CDKL1: variants seen among roughly 807,000 people sequenced by gnomAD.
CDKL1 encodes the protein cyclin dependent kinase like 1.
In CDKL1, 41 loss-of-function variants were observed where a neutral mutation model predicts 42.0. The observed-to-expected ratio is 0.98, with a 90% CI of 0.76 to 1.27. CDKL1 has a LOEUF of 1.27. CDKL1 is among the 50% of genes most tolerant of loss of function. The pLI is 0.00. For missense variants in CDKL1, 394 were observed against 428.4 expected, an observed-to-expected ratio of 0.92 and a Z score of 0.71; for synonymous variants, 153 against 158.6, an observed-to-expected ratio of 0.96 and a Z score of 0.26.
chr14:50,346,656 T>TTG (rs1555340143), intron 3 of CDKL1, among the ~76,000 whole-genome samples: 4 of 128,506 alleles, frequency 3.1e-5, no homozygotes, highest in South Asian at 2.3e-4. Flanking sequence ...TTTTTGGTTT[T>TTG]TTTTTTTTTT....
intron 2 of CDKL1, among the ~76,000 whole-genome samples, chr14:50,374,095 A>C (rs1046111865): frequency 1.8e-4 from 27 of 152,234 alleles, no homozygotes; most frequent in African/African-American, 6.5e-4. Flanking sequence ...ATCCACCGAT[A>C]AAATAAGCTA....
At chr14:50,364,243 G>A (rs965118787) in intron 2 of CDKL1, among the ~76,000 whole-genome samples, 1 of 152,220 alleles carries the variant, frequency 6.6e-6, no homozygotes, top group African/African-American at 2.4e-5. Context: ...GCCAAGGCAG[G>A]CGGATGCCTG....
At position 50,377,474 on chromosome 14, in the gene CDKL1, T is replaced by C. The variant is rs192057275; in HGVS notation, c.168+18227A>G. 4.2e-5 allele frequency: 32 copies of C among 755,544 alleles called. 1 individual carries two copies. The East Asian group carries it at 1.3e-3, about 31-fold the overall frequency. 46.8% of individuals were successfully genotyped at this position (755,544 alleles called of 1,614,324 possible). A position where few individuals can be genotyped will look rare whatever the true frequency, so the allele number is the denominator to read the frequency against. On this transcript the variant is annotated intron_variant, in intron 2 of 9. Coordinates refer to ENST00000395834, the MANE Select transcript of CDKL1 (RefSeq NM_004196.7). ...TCTGGTATCACTTCCCAAAATAAAC[T>C]CCTAACACACAGTTCCTGTCTCAGA...
At position 50,365,843 on chromosome 14, in the gene CDKL1, T is replaced by G. The variant is rs970279004; in HGVS notation, c.169-6694A>C. ...ATGCAGGCACTTGATTTGCTGAGTCTTCCGGCCTTCATCTTTCTCCCGTGC... is the reference window on the plus strand; with the variant it reads ...ATGCAGGCACTTGATTTGCTGAGTCGTCCGGCCTTCATCTTTCTCCCGTGC... On this transcript the variant is annotated intron_variant, in intron 2 of 9. Transcript: ENST00000395834. 2.6e-5 allele frequency among the ~76,000 whole-genome samples: 4 copies of G among 152,352 alleles called. No individual in the cohort carries two copies. The South Asian group carries it at 6.2e-4, about 24-fold the overall frequency.
At chr14:50,376,831 T>A (rs916797994) in intron 2 of CDKL1, among the ~76,000 whole-genome samples, 4 of 152,178 alleles carry the variant, frequency 2.6e-5, no homozygotes, top group African/African-American at 9.7e-5. Flanking sequence ...CTCGTGAGCT[T>A]ATATTCAAGC....
chr14:50,394,383 G>A (rs1012472565), intron 2 of CDKL1, among the ~76,000 whole-genome samples: 1 of 152,214 alleles, frequency 6.6e-6, no homozygotes, highest in African/African-American at 2.4e-5. Context: ...ATAATATCCT[G>A]TTGGTTAAGA....
chr14:50,345,705 T>C, intron 3 of CDKL1, among the ~76,000 whole-genome samples: 1 of 152,188 alleles, frequency 6.6e-6, no homozygotes, highest in Non-Finnish European at 1.5e-5. Context: ...TAAATGTTAA[T>C]AATAATTTAA....
At chr14:50,375,157 G>T (rs2034694860) in intron 2 of CDKL1, among the ~76,000 whole-genome samples, 1 of 152,048 alleles carries the variant, frequency 6.6e-6, no homozygotes, top group South Asian at 2.1e-4. Context: ...TATATAAGAT[G>T]AACATGGAGC....
chr14:50,335,146 A>G (rs1044991084), intron 7 of CDKL1, among the ~76,000 whole-genome samples: 5 of 151,632 alleles, frequency 3.3e-5, no homozygotes, highest in Non-Finnish European at 7.4e-5. Context: ...ATACCAAAAA[A>G]CTAGCTGGGG....
At chr14:50,360,443 T>C (rs2034202580) in intron 2 of CDKL1, among the ~76,000 whole-genome samples, 1 of 152,190 alleles carries the variant, frequency 6.6e-6, no homozygotes, top group African/African-American at 2.4e-5. Context: ...AGTCTCACTC[T>C]ATTGCCCAGG....
chr14:50,374,224 A>G (rs2034665424), intron 2 of CDKL1, among the ~76,000 whole-genome samples: 1 of 152,234 alleles, frequency 6.6e-6, no homozygotes, highest in African/African-American at 2.4e-5. Context: ...AGGTAAAGCT[A>G]CAGAGACAGT....
At position 50,352,695 on chromosome 14, in the gene CDKL1, TGGTGCTTC is replaced by T. The variant is rs574648866; in HGVS notation, c.290+6325_290+6332del. 1.8e-4 allele frequency among the ~76,000 whole-genome samples: 27 copies of T among 152,312 alleles called. No individual in the cohort carries two copies. The South Asian group carries it at 5.2e-3, about 29-fold the overall frequency. On this transcript the variant is annotated intron_variant, in intron 3 of 9. Coordinates refer to ENST00000395834, the MANE Select transcript of CDKL1 (RefSeq NM_004196.7). ...ATCTCATCACAGAACACAGAGAATG[TGGTGCTTC>T]GTTTGGAAAAGCTTGGCTGCCTTTG...
In CDKL1 at chr14:50,329,062, T is replaced by TAC. The variant is rs1555337390; in HGVS notation, c.*1010_*1011dup. Reference sequence around the variant, plus strand: ...ATATATATATATATATATATATATATACATACACATACATACACATACAAA... The same window carrying TAC: ...ATATATATATATATATATATATATATACACATACACATACATACACATACAAA... On this transcript the variant is annotated 3_prime_UTR_variant, in exon 10 of 10. Transcript: ENST00000395834. 4.0e-4 allele frequency: 57 copies of TAC among 144,024 alleles called. No individual in the cohort carries two copies. Among genetic ancestry groups the TAC allele is most frequent in the African/African-American group, 9.2e-4 (35 of 38,190 alleles). 8.9% of individuals were successfully genotyped at this position (144,024 alleles called of 1,614,324 possible).
chr14:50,339,903 T>C (rs938517908), intron 6 of CDKL1, among the ~76,000 whole-genome samples: 2 of 152,148 alleles, frequency 1.3e-5, no homozygotes. Flanking sequence ...CTGTGGGAGT[T>C]CCTACTCCAG....
At chr14:50,362,696 T>C (rs1009147919) in intron 2 of CDKL1, among the ~76,000 whole-genome samples, 2 of 152,134 alleles carry the variant, frequency 1.3e-5, no homozygotes, top group Non-Finnish European at 1.5e-5. Flanking sequence ...GCTAATCTAG[T>C]GGGGACGTGG....
At chr14:50,346,696 G>C (rs1023344009) in intron 3 of CDKL1, among the ~76,000 whole-genome samples, 1 of 142,808 alleles carries the variant, frequency 7.0e-6, no homozygotes, top group Non-Finnish European at 1.5e-5. Flanking sequence ...TGTCACCCAG[G>C]CTAAAGTGCA....
intron 7 of CDKL1, among the ~76,000 whole-genome samples, chr14:50,337,374 C>T (rs1316926498): frequency 6.7e-6 from 1 of 148,554 alleles, no homozygotes; most frequent in East Asian, 2.0e-4. Context: ...TTTTTAGAGA[C>T]AGAGTTTTGC....
chr14:50,341,036 G>C lies in CDKL1; in HGVS notation c.651C>G (p.Thr217=). Residue 217 remains threonine (T), a synonymous_variant, in exon 6 of 10, where the codon ACC becomes ACG. Transcript: ENST00000395834. The stretch of plus-strand genomic sequence containing the variant: ...TGGGACAAAAACACCACTTACCCAA[G>C]GTCTTCCTAATCAGATACAGCTGAT... ...DVDQLYLIRK[T]LGDLIPRHQQ... is the part of the protein sequence containing the mutation. The C allele has an allele frequency of 2.5e-6, 4 of 1,612,388 alleles. No individual in the cohort carries two copies. The highest frequency in any genetic ancestry group is 2.5e-6 in the Non-Finnish European group (3 of 1,179,998).
intron 7 of CDKL1, among the ~76,000 whole-genome samples, chr14:50,336,892 ATGT>A (rs1194839285): frequency 1.3e-5 from 2 of 151,438 alleles, no homozygotes; most frequent in African/African-American, 2.4e-5. Context: ...GATTTCCCAG[ATGT>A]TGTCACATTA....
Sources: allele counts gnomAD v4.1 joint callset (sites outside exome capture counted in the v4.1 genomes callset), GRCh38; gene constraint gnomAD v4.1.1; transcripts MANE v1.5; gene names NCBI Gene and HGNC (gene_info 2026-07-23, HGNC 2026-07-21).